PTPRT: variants seen among roughly 807,000 people sequenced by gnomAD.
PTPRT encodes the protein protein tyrosine phosphatase receptor type T.
Under a neutral mutation model 176.8 loss-of-function variants are expected in PTPRT, and 56 were observed. The ratio of observed to expected loss-of-function variants is 0.32; its 90% confidence interval spans 0.26 to 0.40. PTPRT has a LOEUF of 0.40. PTPRT is among the 10% of genes least tolerant of loss of function. PTPRT has a pLI of 1.00. For missense variants in PTPRT, 1,540 were observed against 1,908.2 expected (o/e 0.81, Z 3.60); for synonymous variants, 783 against 739.0 (o/e 1.06, Z -0.96).
intron 1 of PTPRT, among the ~76,000 whole-genome samples, chr20:43,105,736 T>G (rs2012578831): frequency 6.6e-6 from 1 of 152,188 alleles, no homozygotes; most frequent in Non-Finnish European, 1.5e-5. Context: ...CACATAAAAT[T>G]CTTCATGTTT....
chr20:42,477,188 C>T (rs1346315039), intron 7 of PTPRT, among the ~76,000 whole-genome samples: 1 of 152,068 alleles, frequency 6.6e-6, no homozygotes, highest in Non-Finnish European at 1.5e-5. Context: ...ATGTGTTTGT[C>T]CCCCCTCTCA....
intron 11 of PTPRT, among the ~76,000 whole-genome samples, chr20:42,348,393 T>TATTC (rs1555830116): frequency 2.6e-5 from 4 of 151,656 alleles, no homozygotes; most frequent in African/African-American, 9.7e-5. Context: ...TTTATTTATT[T>TATTC]ATTTATTTAT....
intron 7 of PTPRT, among the ~76,000 whole-genome samples, chr20:42,590,927 CGTGT>C (rs11468131): frequency 0.11 from 13,938 of 130,852 alleles, 707 homozygotes; most frequent in African/African-American, 0.12. Context: ...AGAGATTTAG[CGTGT>C]GTGTGTGTGT....
At chr20:42,702,331 C>T (rs1056307939) in intron 6 of PTPRT, among the ~76,000 whole-genome samples, 1 of 152,112 alleles carries the variant, frequency 6.6e-6, no homozygotes, top group African/African-American at 2.4e-5. Flanking sequence ...ATGTGCAATG[C>T]TCATTAACAT....
Position 43,131,058 on chromosome 20 carries a change from A to G in PTPRT, c.88+58588T>C, listed in dbSNP as rs578142133. On this transcript the variant is annotated intron_variant, in intron 1 of 30. Coordinates refer to ENST00000373187, the MANE Select transcript of PTPRT (RefSeq NM_007050.6). ...CCTATCAGGACGCAGGTAGAAACACATTAACAGTAGCAATTCAATAACACT... is the reference window on the plus strand; with the variant it reads ...CCTATCAGGACGCAGGTAGAAACACGTTAACAGTAGCAATTCAATAACACT... 1.2e-4 allele frequency among the ~76,000 whole-genome samples: 18 copies of G among 152,352 alleles called. No individual in the cohort carries two copies. The East Asian group carries it at 2.7e-3, about 23-fold the overall frequency.
intron 7 of PTPRT, among the ~76,000 whole-genome samples, chr20:42,579,670 C>T (rs2073335413): frequency 6.6e-6 from 1 of 152,186 alleles, no homozygotes; most frequent in African/African-American, 2.4e-5. Flanking sequence ...TGATGATGAG[C>T]ATTTTTTTCA....
At chr20:42,035,352 A>C in the PTPRT span, among the ~76,000 whole-genome samples, 4 of 152,170 alleles carry the variant, frequency 2.6e-5, no homozygotes, top group African/African-American at 7.2e-5. Flanking sequence ...GCTGGAATTC[A>C]CACTCCAAAT....
intron 16 of PTPRT, among the ~76,000 whole-genome samples, chr20:42,162,637 C>G (rs117402872): frequency 1.3e-5 from 2 of 152,364 alleles, no homozygotes; most frequent in South Asian, 2.1e-4. Context: ...GAGATGAGAA[C>G]TGCCAGCTGC....
intron 7 of PTPRT, among the ~76,000 whole-genome samples, chr20:42,570,717 G>C (rs1327828794): frequency 6.6e-6 from 1 of 152,108 alleles, no homozygotes; most frequent in Non-Finnish European, 1.5e-5. Flanking sequence ...AAAGAGACAG[G>C]AAGAGGAGAG....
rs112275467 is a variant in PTPRT at position 42,168,702 on chromosome 20, C to T, written c.2492-7160G>A. On this transcript the variant is annotated intron_variant, in intron 16 of 30. Coordinates refer to ENST00000373187, the MANE Select transcript of PTPRT (RefSeq NM_007050.6). ...ACCACAGGTAGTTTCCCCTCCAACGCTGGAAGTGATTACATTTCCTTGTTG... is the reference window on the plus strand; with the variant it reads ...ACCACAGGTAGTTTCCCCTCCAACGTTGGAAGTGATTACATTTCCTTGTTG... Among the ~76,000 whole-genome samples, 1,019 of 152,302 alleles carry T rather than the reference C, an allele frequency of 6.7e-3. 15 individuals are homozygous for T. Among genetic ancestry groups the T allele is most frequent in the African/African-American group, 0.023 (948 of 41,572 alleles).
At chr20:42,716,255 G>C (rs139921476) in intron 6 of PTPRT, among the ~76,000 whole-genome samples, 1 of 152,114 alleles carries the variant, frequency 6.6e-6, no homozygotes, top group Non-Finnish European at 1.5e-5. Flanking sequence ...AAATTGCAGA[G>C]GGTATATACC....
chr20:42,202,550 C>T (rs1991496934), intron 15 of PTPRT, among the ~76,000 whole-genome samples: 1 of 152,106 alleles, frequency 6.6e-6, no homozygotes, highest in Non-Finnish European at 1.5e-5. Context: ...AGCAATTCTG[C>T]TTCTGATGAC....
chr20:42,418,601 A>C (rs958499638), intron 9 of PTPRT, among the ~76,000 whole-genome samples: 1 of 152,238 alleles, frequency 6.6e-6, no homozygotes, highest in African/African-American at 2.4e-5. Context: ...GATGACCAAT[A>C]GCTTGCACTC....
intron 8 of PTPRT, among the ~76,000 whole-genome samples, chr20:42,467,742 A>C (rs1328720552): frequency 1.3e-5 from 2 of 152,232 alleles, no homozygotes; most frequent in Non-Finnish European, 2.9e-5. Flanking sequence ...AGATACACAC[A>C]CATGAGTAAA....
chr20:42,513,587 A>C (rs2072001754), intron 7 of PTPRT, among the ~76,000 whole-genome samples: 1 of 152,016 alleles, frequency 6.6e-6, no homozygotes, highest in African/African-American at 2.4e-5. Flanking sequence ...GCATGAGATA[A>C]TTTTTTGTTA....
chr20:42,703,821 C>T (rs1272152436), intron 6 of PTPRT, among the ~76,000 whole-genome samples: 5 of 152,164 alleles, frequency 3.3e-5, no homozygotes, highest in South Asian at 4.1e-4. Context: ...GAGCTCTCTG[C>T]GGCTTCCTAC....
chr20:43,056,548 G>T (rs776024322), intron 1 of PTPRT, among the ~76,000 whole-genome samples: 1 of 152,140 alleles, frequency 6.6e-6, no homozygotes, highest in South Asian at 2.1e-4. Context: ...ATACACACAC[G>T]GTCTGTTGCT....
At chr20:42,862,048 A>G (rs1279942422) in intron 2 of PTPRT, among the ~76,000 whole-genome samples, 2 of 152,182 alleles carry the variant, frequency 1.3e-5, no homozygotes, top group African/African-American at 4.8e-5. Context: ...ACGCACACAC[A>G]CACACACAAG....
At chr20:42,518,620 T>C (rs2072112966) in intron 7 of PTPRT, among the ~76,000 whole-genome samples, 2 of 152,022 alleles carry the variant, frequency 1.3e-5, no homozygotes, top group South Asian at 4.1e-4. Context: ...TAATTCCCCT[T>C]AATTCTTTGT....
Sources: allele counts gnomAD v4.1 joint callset (sites outside exome capture counted in the v4.1 genomes callset), GRCh38; gene constraint gnomAD v4.1.1; transcripts MANE v1.5; gene names NCBI Gene and HGNC (gene_info 2026-07-23, HGNC 2026-07-21).